Variants in PMS1 observed in about 807,000 individuals in gnomAD.
PMS1 encodes PMS1 protein homolog 1.
Under a neutral mutation model 93.1 loss-of-function variants are expected in PMS1, and 79 were observed. That is an observed-to-expected ratio of 0.85 (90% confidence interval 0.71 to 1.02). The LOEUF is 1.02. Among genes scored for constraint, PMS1 ranks in the 50% least tolerant of loss-of-function variants. The pLI, the probability that PMS1 is intolerant of heterozygous loss-of-function variation, is 0.00. For missense variants in PMS1, 1,064 were observed against 1,085.3 expected, an observed-to-expected ratio of 0.98 and a Z score of 0.28; for synonymous variants, 335 against 363.4, an observed-to-expected ratio of 0.92 and a Z score of 0.89.
chr2:189,849,765 C>T (rs1355196700), intron 6 of PMS1, among the ~76,000 whole-genome samples: 1 of 151,814 alleles, frequency 6.6e-6, no homozygotes, highest in South Asian at 2.1e-4. Flanking sequence ...GGCCCCTTTT[C>T]TTAGCCAGTT....
At position 189,791,872 on chromosome 2, in the gene PMS1, G is replaced by T. The variant is rs754498304; in HGVS notation, c.63G>T (p.Val21=). The T allele has an allele frequency of 8.1e-6, 13 of 1,613,486 alleles. No individual in the cohort carries two copies. Among genetic ancestry groups the T allele is most frequent in the South Asian group, 1.1e-5 (1 of 91,068 alleles). ...LLSSSQIITS[V]VSVVKELIEN... ...CAAGTTCTCAGATCATCACTTCGGT[G>T]GTCAGTGTTGTAAAAGAGCTTATTG... The change falls in exon 2 of 13, where the codon GTG becomes GTT. Residue 21 remains valine, a synonymous_variant. Coordinates refer to ENST00000441310, the MANE Select transcript of PMS1 (RefSeq NM_000534.5).
Position 189,854,430 on chromosome 2 carries a change from A to G in PMS1, c.1158A>G (p.Ser386=), listed in dbSNP as rs779635858. The change falls in exon 9 of 13, where the codon TCA becomes TCG. Residue 386 remains serine, a synonymous_variant. Transcript: ENST00000441310. The stretch of plus-strand genomic sequence containing the variant: ...AGAATTATTCAAATGTTGATACTTC[A>G]GTCATTCCATTCCAAAATGATATGC... ...SGKNYSNVDT[S]VIPFQNDMHN... is the part of the protein sequence containing the mutation. The G allele has an allele frequency of 5.0e-6, 8 of 1,608,876 alleles. No individual in the cohort carries two copies. Among genetic ancestry groups the G allele is most frequent in the Non-Finnish European group, 6.8e-6 (8 of 1,176,198 alleles).
intron 6 of PMS1, among the ~76,000 whole-genome samples, chr2:189,850,386 GGA>G (rs2106439429): frequency 6.6e-6 from 1 of 152,252 alleles, no homozygotes; most frequent in East Asian, 1.9e-4. Context: ...TCATAGTAAA[GGA>G]GTATAGGATG....
chr2:189,853,072 G>A (rs1039774535), intron 7 of PMS1, among the ~76,000 whole-genome samples: 4 of 152,058 alleles, frequency 2.6e-5, no homozygotes, highest in Non-Finnish European at 5.9e-5. Context: ...GTTCTTTTGA[G>A]ATGGAGTTTC....
rs528233014 is a variant in PMS1 at position 189,836,542 on chromosome 2, T to C, written c.583-7422T>C. Reference sequence around the variant, plus strand: ...TGATGAAACGGTAGAGAAAGCAAACTGAATACTGTATTCTGGATTCCCAGT... The same window carrying C: ...TGATGAAACGGTAGAGAAAGCAAACCGAATACTGTATTCTGGATTCCCAGT... On this transcript the variant is annotated intron_variant, in intron 5 of 12. Transcript: ENST00000441310. Among the ~76,000 whole-genome samples, 4 of 152,382 alleles carry C rather than the reference T, an allele frequency of 2.6e-5. No individual in the cohort carries two copies. In the South Asian group the frequency reaches 8.3e-4, roughly 32 times the overall value.
chr2:189,805,160 C>A (rs1344780572), intron 3 of PMS1, among the ~76,000 whole-genome samples: 2 of 151,680 alleles, frequency 1.3e-5, no homozygotes, highest in African/African-American at 4.8e-5. Flanking sequence ...AGAAAAAAAT[C>A]TGTAAATATA....
chr2:189,870,044 G>A (rs2057010406), intron 11 of PMS1, among the ~76,000 whole-genome samples: 1 of 149,918 alleles, frequency 6.7e-6, no homozygotes, highest in African/African-American at 2.4e-5. Flanking sequence ...TAAGTCACCT[G>A]TAAACTGACT....
chr2:189,807,853 G>A (rs1397005796), intron 4 of PMS1, among the ~76,000 whole-genome samples: 1 of 152,126 alleles, frequency 6.6e-6, no homozygotes, highest in Admixed American at 6.5e-5. Context: ...AAGATCAGTA[G>A]TTGCAAAACT....
At position 189,854,710 on chromosome 2, in the gene PMS1, GA is replaced by G. The variant is rs2106462722; in HGVS notation, c.1442del (p.Asn481MetfsTer35). 6.2e-7 allele frequency: 1 copy of G among 1,613,922 alleles called. No individual in the cohort carries two copies. Among genetic ancestry groups the G allele is most frequent in the Non-Finnish European group, 8.5e-7 (1 of 1,179,872 alleles). On this transcript the variant is annotated frameshift_variant, in exon 9 of 13. Transcript: ENST00000441310. LOFTEE classifies it high-confidence loss of function. ...GNKDHIDESGENEEEAGLENS... is the reference protein window; with the variant it reads ...GNKDHIDESGXNEEEAGLENS... ...TAAAGACCATATAGATGAGAGTGGG[GA>G]AAATGAGGAAGAAGCAGGTCTTGAA...
chr2:189,870,223 A>G (rs973997704), intron 11 of PMS1, among the ~76,000 whole-genome samples: 1 of 151,962 alleles, frequency 6.6e-6, no homozygotes, highest in Non-Finnish European at 1.5e-5. Context: ...AGAGTATTGT[A>G]TTTTACTAAC....
At chr2:189,817,165 C>T (rs2106323970) in intron 4 of PMS1, among the ~76,000 whole-genome samples, 1 of 152,238 alleles carries the variant, frequency 6.6e-6, no homozygotes, top group East Asian at 1.9e-4. Flanking sequence ...CAGTCCCCCA[C>T]AACAAATTAC....
chr2:189,860,385 A>G (rs141256147), intron 9 of PMS1, among the ~76,000 whole-genome samples: 1 of 151,986 alleles, frequency 6.6e-6, no homozygotes, highest in East Asian at 1.9e-4. Context: ...TGACTCATCC[A>G]TGTTGTTGAA....
intron 3 of PMS1, among the ~76,000 whole-genome samples, chr2:189,801,811 T>TA (rs1241610663): frequency 6.6e-6 from 1 of 152,198 alleles, no homozygotes. Context: ...ATTGTGTACA[T>TA]ACAGATGCAA....
At chr2:189,876,054 G>A (rs1205025548) in intron 12 of PMS1, among the ~76,000 whole-genome samples, 2 of 150,332 alleles carry the variant, frequency 1.3e-5, no homozygotes, top group Non-Finnish European at 2.9e-5. Context: ...AGAAGAAACT[G>A]AATCAAGAGC....
chr2:189,874,542 A>G (rs2057403077), intron 12 of PMS1, among the ~76,000 whole-genome samples: 1 of 152,260 alleles, frequency 6.6e-6, no homozygotes, highest in Non-Finnish European at 1.5e-5. Context: ...TTCCATCTAT[A>G]TATCTTGTTC....
At chr2:189,857,384 T>C in intron 9 of PMS1, 1 of 436,060 alleles carries the variant, frequency 2.3e-6, no homozygotes, top group Non-Finnish European at 4.7e-6. Flanking sequence ...CTGAGTCTAG[T>C]TGCATCATGA....
chr2:189,813,707 A>G (rs2051036098), intron 4 of PMS1, among the ~76,000 whole-genome samples: 1 of 152,260 alleles, frequency 6.6e-6, no homozygotes, highest in South Asian at 2.1e-4. Context: ...TATGCAAAGC[A>G]TTGAAATTGA....
Position 189,853,108 on chromosome 2 carries a change from G to A in PMS1, c.822+331G>A, listed in dbSNP as rs187942850. ...GCTCTCCAGGCTGGATTGCAATGGC[G>A]TGTCCCGTGATCTTGGCTCACTGCA... is the stretch of plus-strand genomic sequence containing the variant. On this transcript the variant is annotated intron_variant, in intron 7 of 12. Coordinates refer to ENST00000441310, the MANE Select transcript of PMS1 (RefSeq NM_000534.5). Among the ~76,000 whole-genome samples, 254 of 151,940 alleles carry A rather than the reference G, an allele frequency of 1.7e-3. 3 individuals carry two copies. Among genetic ancestry groups the A allele is most frequent in the African/African-American group, 5.9e-3 (244 of 41,422 alleles).
chr2:189,835,353 G>A (rs1184056016), intron 5 of PMS1, among the ~76,000 whole-genome samples: 1 of 152,102 alleles, frequency 6.6e-6, no homozygotes, highest in Non-Finnish European at 1.5e-5. Flanking sequence ...AGTAGAATGT[G>A]GTTTGTTCTT....
Sources: gnomAD v4.1 joint callset for allele counts (sites outside exome capture counted in the v4.1 genomes callset) on GRCh38, gnomAD v4.1.1 for gene constraint, MANE v1.5 for transcripts, NCBI Gene and HGNC (gene_info 2026-07-23, HGNC 2026-07-21) for gene names.